EHBP1: variants seen among roughly 807,000 people sequenced by gnomAD.
The protein encoded by EHBP1 is EH domain-binding protein 1.
EHBP1 carries 55 observed loss-of-function variants against 144.0 expected under a neutral mutation model. The ratio of observed to expected loss-of-function variants is 0.38; its 90% CI spans 0.31 to 0.48. The LOEUF is 0.48. Among genes scored for constraint, EHBP1 ranks in the 20% least tolerant of loss-of-function variants. The probability of loss-of-function intolerance (pLI) is 0.98; values close to 1 mark genes in which losing one functional copy is unlikely to be tolerated. For missense variants in EHBP1, 1,200 were observed against 1,364.2 expected, an observed-to-expected ratio of 0.88 and a Z score of 1.90; for synonymous variants, 469 against 472.7, an observed-to-expected ratio of 0.99 and a Z score of 0.10.
intron 7 of EHBP1, among the ~76,000 whole-genome samples, chr2:62,841,671 A>G (rs1201577238): frequency 1.3e-5 from 2 of 152,146 alleles, no homozygotes; most frequent in Admixed American, 6.5e-5. Context: ...ATTTTATTTT[A>G]TAATGATGGC....
intron 7 of EHBP1, among the ~76,000 whole-genome samples, chr2:62,849,141 T>G (rs1326633801): frequency 6.6e-6 from 1 of 152,028 alleles, no homozygotes; most frequent in African/African-American, 2.4e-5. Flanking sequence ...TGGAAGTGAC[T>G]ATGTAACTTC....
intron 10 of EHBP1, among the ~76,000 whole-genome samples, chr2:62,938,547 C>A (rs1431570565): frequency 6.6e-6 from 1 of 152,114 alleles, no homozygotes; most frequent in Non-Finnish European, 1.5e-5. Flanking sequence ...GCTTTATTAC[C>A]GTTCACATGT....
In EHBP1 at chr2:62,729,615, TAAATA is replaced by T. The variant is rs1307512493; in HGVS notation, c.105-17758_105-17754del. Reference sequence around the variant, plus strand: ...ATATATATAATAATAAATATAATAATAAATAAAATAAAATAAAATAAAATAATATA... The same window carrying T: ...ATATATATAATAATAAATATAATAATAAATAAAATAAAATAAAATAATATA... On this transcript the variant is annotated intron_variant, in intron 2 of 22. Transcript: ENST00000431489. 9.5e-3 allele frequency among the ~76,000 whole-genome samples: 1,277 copies of T among 134,866 alleles called. 21 individuals carry two copies. Among genetic ancestry groups the T allele is most frequent in the East Asian group, 0.051 (249 of 4,904 alleles). The allele number at this position is 134,866 out of a possible 152,430, so 88.5% of individuals were successfully genotyped here.
At chr2:62,697,719 C>A (rs1283335788) in intron 1 of EHBP1, among the ~76,000 whole-genome samples, 2 of 152,042 alleles carry the variant, frequency 1.3e-5, no homozygotes, top group Admixed American at 6.5e-5. Context: ...AGATTTTTCA[C>A]TAAAAATATC....
chr2:62,910,625 G>C (rs969233785), intron 10 of EHBP1, among the ~76,000 whole-genome samples: 1 of 151,006 alleles, frequency 6.6e-6, no homozygotes, highest in Non-Finnish European at 1.5e-5. Flanking sequence ...ATTGCTACTC[G>C]TGGCAGCTTT....
intron 19 of EHBP1, among the ~76,000 whole-genome samples, chr2:63,001,023 G>A (rs756993510): frequency 6.6e-6 from 1 of 152,142 alleles, no homozygotes; most frequent in Non-Finnish European, 1.5e-5. Context: ...ATGAAAAATG[G>A]AGTTTATAAT....
Position 62,831,107 on chromosome 2 carries a change from G to A in EHBP1, c.583G>A (p.Asp195Asn). The change falls in exon 7 of 23, where the codon GAT becomes AAT. Residue 195 changes from aspartate (D) to asparagine (N), a missense_variant. Coordinates refer to ENST00000431489, the MANE Select transcript of EHBP1 (RefSeq NM_001142616.3). The stretch of plus-strand genomic sequence containing the variant: ...AGATGACTTCGAAGAAGATAATGAA[G>A]ATGATGATGAGAACAGAGTGAACCA... ...NLDDFEEDNE[D>N]DDENRVNQEE... is the part of the protein sequence containing the mutation. The A allele has an allele frequency of 6.2e-7, 1 of 1,609,564 alleles. No homozygotes were observed. The highest frequency in any genetic ancestry group is 2.2e-5 in the East Asian group (1 of 44,658).
chr2:62,978,196 T>C (rs937343792), intron 14 of EHBP1, among the ~76,000 whole-genome samples: 27 of 151,694 alleles, frequency 1.8e-4, no homozygotes, highest in Admixed American at 1.5e-3. Context: ...ATAATATTAA[T>C]AATCCTTTTT....
chr2:63,019,834 A>G (rs113115564), intron 19 of EHBP1, among the ~76,000 whole-genome samples: 2,695 of 7,890 alleles, frequency 0.34, 146 homozygotes, highest in Middle Eastern at 0.4. Context: ...GGGGGAGGGA[A>G]GGAAGGAAGG....
intron 1 of EHBP1, among the ~76,000 whole-genome samples, chr2:62,689,121 C>T (rs2033817528): frequency 6.6e-6 from 1 of 152,186 alleles, no homozygotes; most frequent in Non-Finnish European, 1.5e-5. Context: ...AAAGAACTTT[C>T]AAAGCCTATA....
At chr2:62,732,665 G>A (rs1027954206) in intron 2 of EHBP1, among the ~76,000 whole-genome samples, 7 of 152,022 alleles carry the variant, frequency 4.6e-5, no homozygotes, top group African/African-American at 9.7e-5. Context: ...AGGCCTCCCC[G>A]AAAGCTGTCA....
chr2:63,007,686 C>A (rs945169619), intron 19 of EHBP1, among the ~76,000 whole-genome samples: 9 of 151,664 alleles, frequency 5.9e-5, no homozygotes, highest in Non-Finnish European at 1.3e-4. Context: ...TTAATTCACT[C>A]AAATAAATAG....
At chr2:62,881,274 A>C (rs2051389178) in intron 10 of EHBP1, among the ~76,000 whole-genome samples, 1 of 152,090 alleles carries the variant, frequency 6.6e-6, no homozygotes, top group Non-Finnish European at 1.5e-5. Context: ...GAGGATCAAA[A>C]AAATCTACTT....
intron 1 of EHBP1, among the ~76,000 whole-genome samples, chr2:62,689,972 G>C (rs2033848352): frequency 1.3e-5 from 2 of 152,212 alleles, no homozygotes; most frequent in Non-Finnish European, 2.9e-5. Flanking sequence ...GACAGAATCT[G>C]CATGAATGTT....
At chr2:62,726,345 C>A (rs1238577044) in intron 2 of EHBP1, among the ~76,000 whole-genome samples, 1 of 152,234 alleles carries the variant, frequency 6.6e-6, no homozygotes, top group Non-Finnish European at 1.5e-5. Flanking sequence ...CACCCAGTCT[C>A]CTGGAATCCT....
At chr2:62,723,766 G>A (rs963011597) in intron 2 of EHBP1, among the ~76,000 whole-genome samples, 1 of 152,150 alleles carries the variant, frequency 6.6e-6, no homozygotes, top group Non-Finnish European at 1.5e-5. Context: ...TGAAATTCTG[G>A]GTTGGAATTT....
At chr2:62,785,318 G>A (rs1482829750) in intron 5 of EHBP1, among the ~76,000 whole-genome samples, 1 of 152,190 alleles carries the variant, frequency 6.6e-6, no homozygotes, top group Non-Finnish European at 1.5e-5. Context: ...AAGGACTTGA[G>A]ATCAGATAGG....
chr2:62,936,240 T>C (rs917197464), intron 10 of EHBP1, among the ~76,000 whole-genome samples: 1 of 152,148 alleles, frequency 6.6e-6, no homozygotes, highest in Non-Finnish European at 1.5e-5. Context: ...GAATATTCTT[T>C]GTGAGAAGGT....
At chr2:62,908,088 G>A (rs2053939274) in intron 10 of EHBP1, among the ~76,000 whole-genome samples, 1 of 152,136 alleles carries the variant, frequency 6.6e-6, no homozygotes, top group South Asian at 2.1e-4. Context: ...TGGACCTGGA[G>A]TTTCCTTTGG....
Sources: allele counts gnomAD v4.1 joint callset (sites outside exome capture counted in the v4.1 genomes callset), GRCh38; gene constraint gnomAD v4.1.1; transcripts MANE v1.5; gene names NCBI Gene and HGNC (gene_info 2026-07-23, HGNC 2026-07-21).